Variants in RELT observed in about 807,000 individuals in gnomAD.
RELT encodes the protein tumor necrosis factor receptor superfamily member 19L.
RELT carries 37 observed loss-of-function variants against 51.1 expected under a neutral mutation model. The ratio of observed to expected loss-of-function variants is 0.72; its 90% CI spans 0.56 to 0.95. The LOEUF (loss-of-function observed/expected upper bound fraction) is 0.95, where lower values mean the gene tolerates loss of function less well. Among genes scored for constraint, RELT ranks in the 40% least tolerant of loss-of-function variants. The pLI is 0.00. For synonymous variants in RELT, 241 were observed against 235.7 expected (o/e 1.02, Z -0.21); for missense variants, 535 against 572.6 (o/e 0.93, Z 0.67).
intron 1 of RELT, among the ~76,000 whole-genome samples, chr11:73,377,598 G>A (rs534660738): frequency 6.6e-6 from 1 of 151,890 alleles, no homozygotes; most frequent in Admixed American, 6.6e-5. Flanking sequence ...ACACACTCAC[G>A]CATCGAAGTC....
rs546804312 is a variant in RELT at position 73,389,701 on chromosome 11, G to A, written c.45+520G>A. Among the ~76,000 whole-genome samples, 5 of 152,254 alleles carry A rather than the reference G, an allele frequency of 3.3e-5. No homozygotes were observed. In the South Asian group the frequency reaches 8.3e-4, roughly 25 times the overall value. On this transcript the variant is annotated intron_variant, in intron 2 of 10. Coordinates refer to ENST00000064780, the MANE Select transcript of RELT (RefSeq NM_152222.2). ...CTGGGGCCCATCTTTCTGCTGTGAC[G>A]CTAGAAGCTCAGGGAGGGTGAGACT... is the stretch of plus-strand genomic sequence containing the variant.
intron 1 of RELT, among the ~76,000 whole-genome samples, chr11:73,377,682 C>T (rs971862866): frequency 1.2e-5 from 1 of 85,710 alleles, no homozygotes; most frequent in Non-Finnish European, 2.6e-5. Flanking sequence ...TGTTCTCAGA[C>T]CCCCCCGCCC....
At chr11:73,381,261 G>A (rs966511668) in intron 1 of RELT, among the ~76,000 whole-genome samples, 7 of 152,194 alleles carry the variant, frequency 4.6e-5, no homozygotes, top group Admixed American at 1.3e-4. Flanking sequence ...GGGGACAGCG[G>A]GACCTCTACA....
chr11:73,377,269 A>AGTGTGTGTGTGTGTGTGTGTGTGTGTGT lies in RELT; in HGVS notation c.-26+794_-26+795insGTGTGTGTGTGTGTGTGTGTGTGTGTGT, dbSNP rs369117500. Among the ~76,000 whole-genome samples the AGTGTGTGTGTGTGTGTGTGTGTGTGTGT allele has an allele frequency of 9.9e-4, 145 of 146,162 alleles. 2 individuals are homozygous for AGTGTGTGTGTGTGTGTGTGTGTGTGTGT. The highest frequency in any genetic ancestry group is 3.6e-3 in the African/African-American group (138 of 38,034). On this transcript the variant is annotated intron_variant, in intron 1 of 10. Transcript: ENST00000064780. ...TGTGCGTGTGGGGTCAAGTGGTGTC[A>AGTGTGTGTGTGTGTGTGTGTGTGTGTGT]GTGTGTGTGTGTGTGTGTGTGTGTC...
In RELT at chr11:73,395,283, G is replaced by C. The variant is rs141594146; in HGVS notation, c.1243G>C (p.Glu415Gln). Residue 415 changes from glutamate to glutamine, a missense_variant and splice_region_variant, in exon 10 of 11, where the codon GAG (glutamate) becomes CAG (glutamine). Transcript: ENST00000064780. The stretch of plus-strand genomic sequence containing the variant: ...GAAGCCCCCAGCAGAGAACAAGGCC[G>C]AGGTGAGAGTCAAGGAGAAAGGCAT... ...WLKPPAENKA[E>Q]ENRYVVRLSE... The C allele has an allele frequency of 3.1e-6, 5 of 1,612,704 alleles. No homozygotes were observed. The highest frequency in any genetic ancestry group is 4.2e-6 in the Non-Finnish European group (5 of 1,179,836).
chr11:73,395,329 C>T (rs1866300154), intron 10 of RELT, 44 bp downstream of exon 10: 2 of 1,602,462 alleles, frequency 1.2e-6, no homozygotes, highest in African/African-American at 1.3e-5. Flanking sequence ...CTGGGCCAAC[C>T]CTGACCGAAG....
In RELT at chr11:73,393,163, C is replaced by T. The variant is rs966934088; in HGVS notation, c.626-674C>T. 5 of 1,001,126 alleles carry T rather than the reference C, an allele frequency of 5.0e-6. No homozygotes were observed. The Admixed American group carries it at 2.1e-4, about 42-fold the overall frequency. The allele number at this position is 1,001,126 out of a possible 1,614,324, so 62.0% of individuals were successfully genotyped here. A position where few individuals can be genotyped will look rare whatever the true frequency, so the allele number is the denominator to read the frequency against. On this transcript the variant is annotated intron_variant, in intron 6 of 10. Coordinates refer to ENST00000064780, the MANE Select transcript of RELT (RefSeq NM_152222.2). Reference sequence around the variant, plus strand: ...ATGGGAGCCAGAGACCCTTCTAAGTCCTGACACTGAAGTCTGGCGGGGGCA... The same window carrying T: ...ATGGGAGCCAGAGACCCTTCTAAGTTCTGACACTGAAGTCTGGCGGGGGCA...
At chr11:73,393,433 T>G in intron 6 of RELT, 2 of 1,191,698 alleles carry the variant, frequency 1.7e-6, no homozygotes, top group Non-Finnish European at 2.1e-6. Context: ...TAGGGCACAG[T>G]AGAGAGGCCA....
At position 73,395,527 on chromosome 11, in the gene RELT, C is replaced by G. The variant is rs922266949; in HGVS notation, c.*36C>G. On this transcript the variant is annotated 3_prime_UTR_variant, in exon 11 of 11. Coordinates refer to ENST00000064780, the MANE Select transcript of RELT (RefSeq NM_152222.2). ...AGTCTAAGGACACTGCGGCCCTGCC[C>G]TGGGAGGTTCCGAAGGCTTCCTGGA... The G allele has an allele frequency of 1.3e-6, 1 of 782,284 alleles. No individual in the cohort carries two copies. Among genetic ancestry groups the G allele is most frequent in the Non-Finnish European group, 2.4e-6 (1 of 419,452 alleles). The allele number at this position is 782,284 out of a possible 1,614,324, so 48.5% of individuals were successfully genotyped here.
chr11:73,391,828 C>T (rs920324039), intron 5 of RELT, among the ~76,000 whole-genome samples: 3 of 152,078 alleles, frequency 2.0e-5, no homozygotes, highest in Non-Finnish European at 2.9e-5. Flanking sequence ...CATACCCACA[C>T]GCACCTCCTC....
In RELT at chr11:73,395,226, C is replaced by T. The variant is rs1253305677; in HGVS notation, c.1186C>T (p.Leu396=). 1.9e-6 allele frequency: 3 copies of T among 1,613,064 alleles called. No homozygotes were observed. Among genetic ancestry groups the T allele is most frequent in the Non-Finnish European group, 1.7e-6 (2 of 1,179,912 alleles). Residue 396 remains leucine (L), a synonymous_variant, in exon 10 of 11, where the codon CTA becomes TTA. Coordinates refer to ENST00000064780, the MANE Select transcript of RELT (RefSeq NM_152222.2). ...CCTCCCCCCTGAGCAGCAGGCCCTG[C>T]TAGGAAGTGGCGGAAGCCGTACAAA... ...PGLPPEQQAL[L]GSGGSRTKWL...
chr11:73,395,548 C>T lies in RELT; in HGVS notation c.*57C>T. 1.3e-6 allele frequency: 1 copy of T among 780,164 alleles called. No homozygotes were observed. The allele number at this position is 780,164 out of a possible 1,614,324, so 48.3% of individuals were successfully genotyped here. On this transcript the variant is annotated 3_prime_UTR_variant, in exon 11 of 11. Transcript: ENST00000064780. ...TGCCCTGGGAGGTTCCGAAGGCTTC[C>T]TGGAGGAGGTGGAGCTGCAGCTGGG...
intron 1 of RELT, among the ~76,000 whole-genome samples, chr11:73,377,309 T>C (rs1865984257): frequency 6.7e-6 from 1 of 150,280 alleles, no homozygotes; most frequent in Non-Finnish European, 1.5e-5. Flanking sequence ...CCTAGGGTGA[T>C]GATGAGTAAG....
At chr11:73,379,253 G>T (rs902373659) in intron 1 of RELT, among the ~76,000 whole-genome samples, 3 of 152,170 alleles carry the variant, frequency 2.0e-5, no homozygotes, top group Non-Finnish European at 4.4e-5. Context: ...GGCCTGGGAG[G>T]GGGAGCAAGA....
At chr11:73,378,075 G>A (rs549816133) in intron 1 of RELT, among the ~76,000 whole-genome samples, 1 of 152,328 alleles carries the variant, frequency 6.6e-6, no homozygotes, top group Non-Finnish European at 1.5e-5. Flanking sequence ...TTGGGTTGGG[G>A]GAGAGTGGGG....
chr11:73,385,039 C>T (rs983219717), intron 1 of RELT, among the ~76,000 whole-genome samples: 1 of 151,842 alleles, frequency 6.6e-6, no homozygotes, highest in Admixed American at 6.6e-5. Context: ...GGGCGCGTCA[C>T]GACGCCATCC....
Position 73,395,234 on chromosome 11 carries a change from T to C in RELT, c.1194T>C (p.Ser398=), listed in dbSNP as rs181358596. The part of the protein sequence containing the change: ...LPPEQQALLG[S]GGSRTKWLKP... ...CTGAGCAGCAGGCCCTGCTAGGAAG[T>C]GGCGGAAGCCGTACAAAGTGGCTGA... is the stretch of plus-strand genomic sequence containing the variant. Residue 398 remains serine, a synonymous_variant, in exon 10 of 11, where the codon AGT becomes AGC. Transcript: ENST00000064780. 1.9e-6 allele frequency: 3 copies of C among 1,612,936 alleles called. No individual in the cohort carries two copies. In the African/African-American group the frequency reaches 4.0e-5, roughly 22 times the overall value.
Position 73,389,145 on chromosome 11 carries a change from A to G in RELT, c.9A>G (p.Pro3=), listed in dbSNP as rs1479287271. The G allele has an allele frequency of 1.3e-6, 2 of 1,551,796 alleles. No individual in the cohort carries two copies. The highest frequency in any genetic ancestry group is 2.4e-5 in the South Asian group (2 of 84,216). The stretch of plus-strand genomic sequence containing the variant: ...CCACCAGGGGCCTGAGGATGAAGCC[A>G]AGTCTGCTGTGCCGGCCCCTGTCCT... The part of the protein sequence containing the change: MK[P]SLLCRPLSCF... Residue 3 remains proline, a synonymous_variant, in exon 2 of 11, where the codon CCA becomes CCG. Coordinates refer to ENST00000064780, the MANE Select transcript of RELT (RefSeq NM_152222.2).
intron 1 of RELT, 55 bp from the exon 2 acceptor site, chr11:73,389,057 G>A: frequency 2.2e-6 from 2 of 895,278 alleles, no homozygotes; most frequent in Non-Finnish European, 3.6e-6. Flanking sequence ...TGAGGGGACA[G>A]CAGCTGCCTG....
Sources: gnomAD v4.1 joint callset for allele counts (sites outside exome capture counted in the v4.1 genomes callset) on GRCh38, gnomAD v4.1.1 for gene constraint, MANE v1.5 for transcripts, NCBI Gene and HGNC (gene_info 2026-07-23, HGNC 2026-07-21) for gene names.